CDKL5: variants seen among roughly 807,000 people sequenced by gnomAD.
The protein encoded by CDKL5 is cyclin dependent kinase like 5.
A neutral mutation model predicts 61.7 loss-of-function variants in CDKL5; 8 were observed. The observed-to-expected ratio is 0.13, with a 90% confidence interval of 0.08 to 0.23. CDKL5 has a LOEUF of 0.23. Among genes scored for constraint, CDKL5 ranks in the 10% least tolerant of loss-of-function variants. CDKL5 has a pLI of 1.00. For synonymous variants in CDKL5, 275 were observed against 272.3 expected, an observed-to-expected ratio of 1.01 and a Z score of -0.10; for missense variants, 440 against 734.5, an observed-to-expected ratio of 0.60 and a Z score of 4.63.
At chrX:18,448,513 G>C (rs992593898) in intron 1 of CDKL5, among the ~76,000 whole-genome samples, 1 of 111,979 alleles carries the variant, frequency 8.9e-6, no homozygotes, top group Non-Finnish European at 1.9e-5. Context: ...CTTTTGCCTG[G>C]AATGCAGTAT....
chrX:18,530,406 A>G (rs747325058), intron 3 of CDKL5, among the ~76,000 whole-genome samples: 1 of 110,368 alleles, frequency 9.1e-6, no homozygotes, highest in African/African-American at 3.3e-5. Flanking sequence ...GTTTCTACTG[A>G]CATATCTTAC....
chrX:18,587,708 A>G lies in CDKL5; in HGVS notation c.555-246A>G, dbSNP rs953709619. The G allele has an allele frequency of 7.3e-5, 29 of 396,079 alleles. No homozygotes were observed. In the South Asian group the frequency reaches 9.2e-4, roughly 13 times the overall value. 32.6% of individuals were successfully genotyped at this position (396,079 alleles called of 1,213,427 possible). ...CCGTTCACATTTAAGATACATATCT[A>G]TTTATGTGAATAAATTTCAAATTAG... On this transcript the variant is annotated intron_variant, in intron 8 of 17. Coordinates refer to ENST00000623535, the MANE Select transcript of CDKL5 (RefSeq NM_001323289.2).
chrX:18,621,551 G>T (rs1046733369), intron 16 of CDKL5, among the ~76,000 whole-genome samples: 1 of 110,639 alleles, frequency 9.0e-6, no homozygotes, highest in East Asian at 2.8e-4. Context: ...GTTTTTTTTT[G>T]TTTGTTTGTT....
chrX:18,579,703 A>G (rs1444029113), intron 5 of CDKL5, 145 bp from the exon 6 acceptor site: 13 of 543,319 alleles, frequency 2.4e-5, no homozygotes, highest in Non-Finnish European at 3.6e-5. Flanking sequence ...CTGATTCAGC[A>G]TGAGAAAGTT....
intron 14 of CDKL5, among the ~76,000 whole-genome samples, chrX:18,610,927 G>A (rs966410987): frequency 1.8e-5 from 2 of 111,808 alleles, no homozygotes; most frequent in African/African-American, 6.5e-5. Flanking sequence ...GTTGGAAAGG[G>A]GCAGGATTTG....
rs149942954 is a variant in CDKL5 at position 18,621,017 on chromosome X, C to T, written c.2376+1051C>T. On this transcript the variant is annotated intron_variant, in intron 16 of 17. Transcript: ENST00000623535. Reference sequence around the variant, plus strand: ...GGCCTCCCAAAGTGCTAGGCATGAGCCACTGTGCCTGGCCTAGTTAGCCAT... The same window carrying T: ...GGCCTCCCAAAGTGCTAGGCATGAGTCACTGTGCCTGGCCTAGTTAGCCAT... Among the ~76,000 whole-genome samples, 583 of 112,433 alleles carry T rather than the reference C, an allele frequency of 5.2e-3. 7 individuals are homozygous for T. The highest frequency in any genetic ancestry group is 0.018 in the African/African-American group (544 of 30,996).
intron 12 of CDKL5, among the ~76,000 whole-genome samples, chrX:18,607,731 CAG>C (rs1222227001): frequency 1.8e-5 from 2 of 111,941 alleles, no homozygotes; most frequent in East Asian, 2.8e-4. Context: ...TTGAAAAGCA[CAG>C]AGACTCTTAC....
intron 11 of CDKL5, among the ~76,000 whole-genome samples, 187 bp downstream of exon 11, chrX:18,598,800 C>T (rs1413551412): frequency 1.8e-5 from 2 of 112,372 alleles, no homozygotes; most frequent in Admixed American, 1.9e-4. Context: ...TAAAGACTTT[C>T]TTATCTTTAA....
chrX:18,465,070 C>G (rs751658175), intron 1 of CDKL5, among the ~76,000 whole-genome samples: 1 of 111,463 alleles, frequency 9.0e-6, no homozygotes, highest in East Asian at 2.8e-4. Context: ...ATATTTAGGT[C>G]TGTAATCCAC....
intron 17 of CDKL5, among the ~76,000 whole-genome samples, chrX:18,625,476 C>T (rs1476989927): frequency 3.6e-5 from 4 of 111,313 alleles, no homozygotes; most frequent in African/African-American, 1.3e-4. Context: ...TTAGCCTTCA[C>T]CTAGCTGGAG....
At chrX:18,506,160 C>G (rs1241159664) in intron 1 of CDKL5, among the ~76,000 whole-genome samples, 1 of 112,052 alleles carries the variant, frequency 8.9e-6, no homozygotes, top group Non-Finnish European at 1.9e-5. Context: ...TTGAGGTACC[C>G]CTATCATTCT....
chrX:18,505,018 A>T (rs1922528532), intron 1 of CDKL5, among the ~76,000 whole-genome samples: 1 of 111,190 alleles, frequency 9.0e-6, no homozygotes, highest in Admixed American at 9.6e-5. Context: ...TTAAAACAAT[A>T]TTTTGTGTTG....
intron 3 of CDKL5, among the ~76,000 whole-genome samples, chrX:18,515,703 A>G (rs777388154): frequency 9.0e-6 from 1 of 111,694 alleles, no homozygotes; most frequent in South Asian, 3.8e-4. Context: ...GCAGCAGAAC[A>G]TAAAACCTAG....
At chrX:18,578,634 A>G (rs1209983253) in intron 5 of CDKL5, among the ~76,000 whole-genome samples, 2 of 112,533 alleles carry the variant, frequency 1.8e-5, no homozygotes, top group Non-Finnish European at 3.7e-5. Flanking sequence ...TTTGTATGTC[A>G]GTTATTCTTT....
intron 3 of CDKL5, among the ~76,000 whole-genome samples, chrX:18,559,728 G>A (rs1467737737): frequency 8.7e-5 from 9 of 103,631 alleles, no homozygotes; most frequent in East Asian, 6.2e-4. Context: ...GGTGTGCTGC[G>A]CCCATTAACT....
intron 1 of CDKL5, among the ~76,000 whole-genome samples, chrX:18,469,958 T>C (rs1055274362): frequency 2.7e-4 from 30 of 112,178 alleles, no homozygotes; most frequent in African/African-American, 9.7e-4. Flanking sequence ...ATGTGCCACA[T>C]GTAGAGAAAT....
intron 1 of CDKL5, among the ~76,000 whole-genome samples, chrX:18,439,394 GGTGT>G (rs752724398): frequency 3.0e-4 from 31 of 101,897 alleles, no homozygotes; most frequent in Admixed American, 6.5e-4. Flanking sequence ...TTCCATAATA[GGTGT>G]GTGTGTGTGT....
chrX:18,465,303 A>G (rs1932376115), intron 1 of CDKL5, among the ~76,000 whole-genome samples: 1 of 111,554 alleles, frequency 9.0e-6, no homozygotes, highest in South Asian at 3.7e-4. Flanking sequence ...ATCCAGAGAG[A>G]AAGTCTTTTT....
downstream of CDKL5, chrX:18,642,090 G>A (rs281865354): frequency 5.0e-6 from 6 of 1,211,517 alleles, no homozygotes; most frequent in Non-Finnish European, 6.7e-6. Context: ...CGGATGAAGC[G>A]GGAGATGATG....
Sources: gnomAD v4.1 joint callset for allele counts (sites outside exome capture counted in the v4.1 genomes callset) on GRCh38, gnomAD v4.1.1 for gene constraint, MANE v1.5 for transcripts, NCBI Gene and HGNC (gene_info 2026-07-23, HGNC 2026-07-21) for gene names.